Variants in INPP4B observed in about 807,000 individuals in gnomAD.
INPP4B encodes the protein inositol polyphosphate-4-phosphatase type II B.
In INPP4B, 55 loss-of-function variants were observed where a neutral mutation model predicts 122.5. That is an observed-to-expected ratio of 0.45 (90% CI 0.36 to 0.56). INPP4B has a LOEUF of 0.56. Among genes scored for constraint, INPP4B ranks in the 20% least tolerant of loss-of-function variants. INPP4B has a pLI of 0.00. For missense variants in INPP4B, 1,000 were observed against 1,097.7 expected (o/e 0.91, Z 1.26); for synonymous variants, 403 against 388.7 (o/e 1.04, Z -0.43).
intron 2 of INPP4B, chr4:142,560,578 A>G (rs1730239784): frequency 6.6e-6 from 1 of 152,220 alleles, no homozygotes; most frequent in Non-Finnish European, 1.5e-5. Flanking sequence ...CTGTGGTCGA[A>G]GGCTGGGGGG....
intron 1 of INPP4B, among the ~76,000 whole-genome samples, chr4:142,817,009 G>C (rs1418575819): frequency 6.6e-6 from 1 of 152,066 alleles, no homozygotes; most frequent in Non-Finnish European, 1.5e-5. Flanking sequence ...AAGTTAATAT[G>C]AGTTAGTATA....
At chr4:142,790,180 T>A (rs1421234881) in intron 1 of INPP4B, among the ~76,000 whole-genome samples, 1 of 152,096 alleles carries the variant, frequency 6.6e-6, no homozygotes, top group Non-Finnish European at 1.5e-5. Context: ...GGCAACAATT[T>A]CATGACCAAG....
At chr4:142,685,294 C>A (rs978977231) in intron 2 of INPP4B, among the ~76,000 whole-genome samples, 6 of 145,826 alleles carry the variant, frequency 4.1e-5, no homozygotes, top group African/African-American at 1.5e-4. Context: ...TTTTATAGAT[C>A]CTCGTTGACT....
chr4:142,303,654 C>T (rs1002642052), intron 9 of INPP4B, among the ~76,000 whole-genome samples: 2 of 152,000 alleles, frequency 1.3e-5, no homozygotes, highest in African/African-American at 4.8e-5. Flanking sequence ...TTTGGCAAAG[C>T]ACAAAACTGG....
At chr4:142,742,746 G>A (rs1415379586) in intron 1 of INPP4B, among the ~76,000 whole-genome samples, 1 of 151,782 alleles carries the variant, frequency 6.6e-6, no homozygotes, top group African/African-American at 2.4e-5. Flanking sequence ...GATATAAGAA[G>A]AACTGGAAAA....
chr4:142,192,364 TAAG>T (rs754405013), intron 15 of INPP4B, among the ~76,000 whole-genome samples: 4 of 70,322 alleles, frequency 5.7e-5, no homozygotes, highest in Non-Finnish European at 1.5e-4. Flanking sequence ...ATGGGATTCT[TAAG>T]AAGAATAACT....
chr4:142,545,879 A>G (rs1424558976), intron 2 of INPP4B, among the ~76,000 whole-genome samples: 1 of 151,136 alleles, frequency 6.6e-6, no homozygotes, highest in Non-Finnish European at 1.5e-5. Flanking sequence ...CAAATTTCAG[A>G]AAAACATGAC....
intron 2 of INPP4B, among the ~76,000 whole-genome samples, chr4:142,481,398 C>A (rs981280630): frequency 6.6e-6 from 1 of 152,040 alleles, no homozygotes; most frequent in Admixed American, 6.6e-5. Flanking sequence ...CCCCTACAAC[C>A]ACTAAAAGCA....
intron 1 of INPP4B, among the ~76,000 whole-genome samples, chr4:142,765,087 G>A (rs1483063129): frequency 1.3e-5 from 2 of 152,124 alleles, no homozygotes; most frequent in African/African-American, 4.8e-5. Flanking sequence ...TACAGCAGAG[G>A]TGAGAGATCA....
At chr4:142,566,041 G>A (rs559349806) in intron 2 of INPP4B, 2 of 152,304 alleles carry the variant, frequency 1.3e-5, no homozygotes, top group Admixed American at 1.3e-4. Context: ...TCCATTTAAA[G>A]ACTTTACAAC....
intron 2 of INPP4B, among the ~76,000 whole-genome samples, chr4:142,578,183 G>A (rs918985026): frequency 5.9e-5 from 9 of 151,986 alleles, no homozygotes; most frequent in African/African-American, 2.2e-4. Flanking sequence ...AGGGCATCAG[G>A]CTGAGATTGG....
At position 142,270,693 on chromosome 4, in the gene INPP4B, G is replaced by C. The variant is rs2150566345; in HGVS notation, c.585C>G (p.Asp195Glu). ...KMGEIEDGEADHITTDVQGQK... is the reference protein window; with the variant it reads ...KMGEIEDGEAEHITTDVQGQK... Reference sequence around the variant, plus strand: ...GTCCCTGTACATCTGTGGTGATGTGGTCGGCTTCCCCATCCTCAATCTCCC... The same window carrying C: ...GTCCCTGTACATCTGTGGTGATGTGCTCGGCTTCCCCATCCTCAATCTCCC... The change falls in exon 10 of 26, where the codon GAC becomes GAG. Residue 195 changes from aspartate to glutamate, a missense_variant. Coordinates refer to ENST00000262992, the MANE Select transcript of INPP4B (RefSeq NM_001101669.3). The C allele has an allele frequency of 6.2e-7, 1 of 1,612,556 alleles. No individual in the cohort carries two copies. The highest frequency in any genetic ancestry group is 8.5e-7 in the Non-Finnish European group (1 of 1,178,674).
intron 7 of INPP4B, among the ~76,000 whole-genome samples, chr4:142,338,692 A>G (rs773409554): frequency 3.9e-5 from 6 of 152,136 alleles, no homozygotes; most frequent in Non-Finnish European, 8.8e-5. Context: ...TAAATATGCT[A>G]TCTATATATT....
intron 1 of INPP4B, among the ~76,000 whole-genome samples, chr4:142,817,869 A>C (rs1780307496): frequency 6.6e-6 from 1 of 152,216 alleles, no homozygotes; most frequent in African/African-American, 2.4e-5. Context: ...AAGGAAACCA[A>C]AATAACAATA....
chr4:142,354,021 A>G (rs878958597), intron 7 of INPP4B, among the ~76,000 whole-genome samples: 123 of 152,004 alleles, frequency 8.1e-4, no homozygotes, highest in African/African-American at 2.9e-3. Flanking sequence ...TTTAATTGAC[A>G]TAATGCCGTT....
chr4:142,578,393 A>G (rs1734299854), intron 2 of INPP4B, among the ~76,000 whole-genome samples: 1 of 151,972 alleles, frequency 6.6e-6, no homozygotes, highest in African/African-American at 2.4e-5. Flanking sequence ...GCCTAACACA[A>G]TATCAAATAT....
At chr4:142,607,352 G>C (rs1741484357) in intron 2 of INPP4B, among the ~76,000 whole-genome samples, 1 of 152,026 alleles carries the variant, frequency 6.6e-6, no homozygotes, top group Non-Finnish European at 1.5e-5. Flanking sequence ...TATAGCAGTA[G>C]CTTTTTCATT....
chr4:142,678,580 C>T (rs1053440323), intron 2 of INPP4B, among the ~76,000 whole-genome samples: 2 of 151,812 alleles, frequency 1.3e-5, no homozygotes, highest in Admixed American at 6.6e-5. Context: ...TACACTGCTC[C>T]AGGAAAGACT....
At chr4:142,176,932 T>A (rs1245316840) in intron 15 of INPP4B, among the ~76,000 whole-genome samples, 3 of 152,292 alleles carry the variant, frequency 2.0e-5, no homozygotes, top group African/African-American at 7.2e-5. Context: ...ACAACCCATC[T>A]TATTCACAAA....
Sources: allele counts gnomAD v4.1 joint callset (sites outside exome capture counted in the v4.1 genomes callset), GRCh38; gene constraint gnomAD v4.1.1; transcripts MANE v1.5; gene names NCBI Gene and HGNC (gene_info 2026-07-23, HGNC 2026-07-21).